RYR3: variants seen among roughly 807,000 people sequenced by gnomAD.
RYR3 encodes the protein ryanodine receptor 3.
In RYR3, 207 loss-of-function variants were observed where a neutral mutation model predicts 584.3. The ratio of observed to expected loss-of-function variants is 0.35; its 90% CI spans 0.32 to 0.40. The LOEUF is 0.40. Ranked by LOEUF, RYR3 falls within the 10% of genes least tolerant of loss-of-function variation. RYR3 has a pLI of 1.00. For synonymous variants in RYR3, 2,416 were observed against 2,248.5 expected (o/e 1.07, Z -2.11); for missense variants, 5,616 against 6,089.2 (o/e 0.92, Z 2.59).
At chr15:33,521,696 G>T (rs1364449354) in intron 3 of RYR3, among the ~76,000 whole-genome samples, 1 of 152,044 alleles carries the variant, frequency 6.6e-6, no homozygotes, top group African/African-American at 2.4e-5. Context: ...TCGAAGGTGG[G>T]GCTCCCTGGA....
Position 33,635,595 on chromosome 15 carries a change from G to A in RYR3, c.3176-19G>A, listed in dbSNP as rs184869827. 5.6e-4 allele frequency: 894 copies of A among 1,602,950 alleles called. 3 individuals are homozygous for A. The East Asian group carries it at 0.012, about 21-fold the overall frequency. On this transcript the variant is annotated intron_variant, in intron 25 of 103. Coordinates refer to ENST00000634891, the MANE Select transcript of RYR3 (RefSeq NM_001036.6). ...TCTTTCCCTTCCACACCCTCTGTTC[G>A]CCTTTCTTCTCACAATAGCTGACTC...
intron 1 of RYR3, among the ~76,000 whole-genome samples, chr15:33,450,224 C>A (rs1339906218): frequency 2.0e-5 from 3 of 151,682 alleles, no homozygotes; most frequent in African/African-American, 7.3e-5. Flanking sequence ...GATGTCTGAC[C>A]AAGAATCTGA....
chr15:33,434,136 A>C (rs1230373265), intron 1 of RYR3, among the ~76,000 whole-genome samples: 1 of 152,230 alleles, frequency 6.6e-6, no homozygotes, highest in African/African-American at 2.4e-5. Flanking sequence ...TGTCTTCAAA[A>C]ATAGTTGATG....
chr15:33,794,032 A>G (rs1278904872), intron 67 of RYR3, among the ~76,000 whole-genome samples: 7 of 88,404 alleles, frequency 7.9e-5, no homozygotes, highest in Non-Finnish European at 1.6e-4. Context: ...ATATAAATAT[A>G]TACATAAATA....
At chr15:33,335,781 C>G (rs1409174854) in intron 1 of RYR3, among the ~76,000 whole-genome samples, 1 of 150,980 alleles carries the variant, frequency 6.6e-6, no homozygotes, top group Non-Finnish European at 1.5e-5. Context: ...TTTGCCAACC[C>G]CTACCTGCTA....
At chr15:33,544,427 C>T (rs540877481) in intron 8 of RYR3, among the ~76,000 whole-genome samples, 4 of 152,124 alleles carry the variant, frequency 2.6e-5, no homozygotes, top group South Asian at 4.1e-4. Context: ...GTTTTCTTTT[C>T]CTTTTGTGTA....
intron 1 of RYR3, among the ~76,000 whole-genome samples, chr15:33,352,446 T>C (rs1268125995): frequency 6.6e-6 from 1 of 152,082 alleles, no homozygotes; most frequent in East Asian, 1.9e-4. Context: ...CCCCTTTCTA[T>C]ATTGATAACC....
chr15:33,499,684 T>C (rs2051779489), intron 2 of RYR3, among the ~76,000 whole-genome samples: 1 of 152,218 alleles, frequency 6.6e-6, no homozygotes, highest in South Asian at 2.1e-4. Flanking sequence ...TAGGTACTAT[T>C]ATATCTCCAT....
intron 80 of RYR3, among the ~76,000 whole-genome samples, chr15:33,822,017 C>CATTCATTCATTCATT (rs2077134217): frequency 2.0e-5 from 3 of 151,414 alleles, no homozygotes; most frequent in African/African-American, 7.3e-5. Context: ...GTTCGTTCAT[C>CATTCATTCATTCATT]CATTCATTCA....
chr15:33,752,066 T>C (rs1330826410), intron 57 of RYR3, among the ~76,000 whole-genome samples: 1 of 152,224 alleles, frequency 6.6e-6, no homozygotes, highest in Non-Finnish European at 1.5e-5. Flanking sequence ...TTCTGAGGTC[T>C]CTGTTCTATT....
At chr15:33,547,908 A>G (rs541339678) in intron 8 of RYR3, among the ~76,000 whole-genome samples, 5 of 152,242 alleles carry the variant, frequency 3.3e-5, no homozygotes, top group Admixed American at 2.0e-4. Flanking sequence ...TGCCCATGAT[A>G]TGGATATGGT....
chr15:33,602,427 GA>G (rs1254319135), intron 17 of RYR3, among the ~76,000 whole-genome samples: 1 of 152,154 alleles, frequency 6.6e-6, no homozygotes, highest in Non-Finnish European at 1.5e-5. Flanking sequence ...ATGGTTTTAA[GA>G]GACCAGTGTT....
intron 69 of RYR3, 29 bp downstream of exon 69, chr15:33,801,990 C>T (rs2075942374): frequency 7.6e-7 from 1 of 1,314,180 alleles, no homozygotes; most frequent in South Asian, 1.2e-5. Context: ...ATTCCAAAAA[C>T]TCTTCAACCC....
chr15:33,864,278 C>A, intron 103 of RYR3, 89 bp downstream of exon 103: 1 of 988,818 alleles, frequency 1.0e-6, no homozygotes, highest in Non-Finnish European at 1.5e-6. Flanking sequence ...GAAATACATA[C>A]ATGGCCCCAT....
chr15:33,352,316 G>A (rs1387220209), intron 1 of RYR3, among the ~76,000 whole-genome samples: 2 of 151,864 alleles, frequency 1.3e-5, no homozygotes, highest in Non-Finnish European at 2.9e-5. Flanking sequence ...TGTCTTTCAT[G>A]TGTTTTTAAA....
intron 22 of RYR3, among the ~76,000 whole-genome samples, chr15:33,630,758 A>G (rs74005909): frequency 0.055 from 8,405 of 152,292 alleles, 219 homozygotes; most frequent in Middle Eastern, 0.085. Context: ...TTAGAATTCT[A>G]TCTGTTCCAT....
intron 30 of RYR3, among the ~76,000 whole-genome samples, chr15:33,647,988 C>CAAAAAAAAAAA (rs3085194): frequency 1.0e-5 from 1 of 98,326 alleles, no homozygotes; most frequent in Non-Finnish European, 2.0e-5. Flanking sequence ...TAGCATCTGG[C>CAAAAAAAAAAA]AAAAAAAAAA....
intron 1 of RYR3, among the ~76,000 whole-genome samples, chr15:33,431,209 C>T (rs1247888894): frequency 5.3e-5 from 8 of 152,072 alleles, no homozygotes; most frequent in Admixed American, 4.6e-4. Flanking sequence ...TCTACTGCCA[C>T]GTAACAAAAG....
At chr15:33,439,376 T>C (rs1417827448) in intron 1 of RYR3, among the ~76,000 whole-genome samples, 25 of 152,188 alleles carry the variant, frequency 1.6e-4, no homozygotes, top group Non-Finnish European at 7.4e-5. Flanking sequence ...GTTTTATCAT[T>C]GTGCATGACT....
Sources: gnomAD v4.1 joint callset for allele counts (sites outside exome capture counted in the v4.1 genomes callset) on GRCh38, gnomAD v4.1.1 for gene constraint, MANE v1.5 for transcripts, NCBI Gene and HGNC (gene_info 2026-07-23, HGNC 2026-07-21) for gene names.